Variants in RYR2 observed in about 807,000 individuals in gnomAD.
The protein encoded by RYR2 is ryanodine receptor 2, also known as cardiac muscle ryanodine receptor-calcium release channel.
RYR2 carries 227 observed loss-of-function variants against 601.1 expected under a neutral mutation model. That is an observed-to-expected ratio of 0.38 (90% confidence interval 0.34 to 0.42). The LOEUF (loss-of-function observed/expected upper bound fraction) is 0.42. Ranked by LOEUF, RYR2 falls within the 10% of genes least tolerant of loss-of-function variation. RYR2 has a pLI of 1.00. For missense variants in RYR2, 4,646 were observed against 6,156.5 expected, an observed-to-expected ratio of 0.75 and a Z score of 8.21; for synonymous variants, 2,223 against 2,175.1, an observed-to-expected ratio of 1.02 and a Z score of -0.61.
chr1:237,521,901 C>T (rs1252116185), intron 24 of RYR2, among the ~76,000 whole-genome samples: 1 of 152,030 alleles, frequency 6.6e-6, no homozygotes, highest in Non-Finnish European at 1.5e-5. Context: ...TCACACTGAC[C>T]TTTGTGTTGC....
rs1690189277 is a variant in RYR2 at position 237,726,285 on chromosome 1, GT to G, written c.10703del (p.Val3568GlyfsTer33). On this transcript the variant is annotated frameshift_variant, in exon 75 of 105. Transcript: ENST00000366574. LOFTEE classifies it high-confidence loss of function. ...TTATTTCTTTCAGAAGTCTAAACGTGTGGGTCGGAGACATTACTGTCTGGGA... is the reference window on the plus strand; with the variant it reads ...TTATTTCTTTCAGAAGTCTAAACGTGGGGTCGGAGACATTACTGTCTGGGA... ...LFHLEQKSKR[V>X]GRRHYCLVEH... The G allele has an allele frequency of 1.3e-6, 2 of 1,588,286 alleles. No individual in the cohort carries two copies. The highest frequency in any genetic ancestry group is 2.3e-5 in the East Asian group (1 of 44,438).
rs1022428392 is a variant in RYR2 at position 237,723,254 on chromosome 1, C to G, written c.10681C>G (p.Leu3561Val). ...GGATATAGCAAATGTGCTTTTTCAT[C>G]TTGAACAGGTCAGGCTTTGTGTCAA... ...VLDIANVLFH[L>V]EQKSKRVGRR... Residue 3561 changes from leucine to valine, a missense_variant, in exon 74 of 105, where the codon CTT (leucine) becomes GTT (valine). By Grantham distance (32) the Leu-to-Val change is conservative. Around this residue, in one of 17 missense-constraint regions of RYR2, gnomAD observed 1,497 missense variants for 1,842.6 expected, o/e 0.81. Transcript: ENST00000366574. The G allele has an allele frequency of 3.2e-5, 51 of 1,611,210 alleles. No homozygotes were observed. Among genetic ancestry groups the G allele is most frequent in the Non-Finnish European group, 4.2e-5 (50 of 1,178,096 alleles).
chr1:237,554,266 T>TC (rs1670675407), intron 27 of RYR2, among the ~76,000 whole-genome samples: 1 of 151,926 alleles, frequency 6.6e-6, no homozygotes, highest in Non-Finnish European at 1.5e-5. Context: ...TGTATTTTTC[T>TC]CCTGTATTCT....
intron 1 of RYR2, among the ~76,000 whole-genome samples, chr1:237,183,458 T>C (rs1427853590): frequency 6.6e-6 from 1 of 152,214 alleles, no homozygotes; most frequent in Non-Finnish European, 1.5e-5. Context: ...CCTTTGGATT[T>C]ACCAGTTAGG....
chr1:237,543,587 A>C (rs949325653), intron 25 of RYR2, among the ~76,000 whole-genome samples: 53 of 152,158 alleles, frequency 3.5e-4, no homozygotes, highest in African/African-American at 1.3e-3. Flanking sequence ...TTTACAGCTA[A>C]CACTCCCTGA....
chr1:237,053,348 G>C (rs1572461812), intron 1 of RYR2, among the ~76,000 whole-genome samples: 1 of 152,246 alleles, frequency 6.6e-6, no homozygotes, highest in East Asian at 1.9e-4. Flanking sequence ...TTTGATTGAT[G>C]GCTGTCAGAG....
intron 1 of RYR2, among the ~76,000 whole-genome samples, chr1:237,085,061 A>G (rs902135444): frequency 6.6e-6 from 1 of 152,188 alleles, no homozygotes; most frequent in Admixed American, 6.5e-5. Context: ...CACAAAAACT[A>G]CTCAAGGGTG....
At chr1:237,670,367 T>G (rs1054897382) in intron 58 of RYR2, among the ~76,000 whole-genome samples, 1 of 151,306 alleles carries the variant, frequency 6.6e-6, no homozygotes, top group East Asian at 2.0e-4. Flanking sequence ...AGGGAGAAGA[T>G]TCCACATTTT....
chr1:237,720,110 A>G (rs779026527), intron 73 of RYR2, among the ~76,000 whole-genome samples: 1 of 152,210 alleles, frequency 6.6e-6, no homozygotes, highest in Non-Finnish European at 1.5e-5. Flanking sequence ...GAAATTTTTT[A>G]TACCATTGAA....
chr1:237,477,212 G>A (rs979290312), intron 17 of RYR2, among the ~76,000 whole-genome samples: 3 of 152,250 alleles, frequency 2.0e-5, no homozygotes, highest in East Asian at 1.9e-4. Context: ...CCAACAAGGC[G>A]AAACCTCGTC....
chr1:237,346,398 G>A (rs183173484), intron 3 of RYR2, among the ~76,000 whole-genome samples: 1 of 128,834 alleles, frequency 7.8e-6, no homozygotes, highest in African/African-American at 2.8e-5. Context: ...CATATCCTGA[G>A]GATTTGAACA....
chr1:237,267,439 G>T (rs1247468968), intron 1 of RYR2, among the ~76,000 whole-genome samples: 2 of 152,170 alleles, frequency 1.3e-5, no homozygotes, highest in Non-Finnish European at 2.9e-5. Flanking sequence ...AGAATCACTT[G>T]AACCCAGGAG....
chr1:237,655,580 T>G (rs983019893), intron 52 of RYR2, among the ~76,000 whole-genome samples: 1 of 152,200 alleles, frequency 6.6e-6, no homozygotes, highest in Non-Finnish European at 1.5e-5. Context: ...TCCAGTGTGT[T>G]GGAGAGTCAA....
chr1:237,644,905 A>G (rs1341427145), intron 48 of RYR2, among the ~76,000 whole-genome samples: 1 of 152,064 alleles, frequency 6.6e-6, no homozygotes, highest in East Asian at 1.9e-4. Flanking sequence ...GGTGGTGGGC[A>G]TTTGTAATCC....
chr1:237,049,466 G>A (rs1660985096), intron 1 of RYR2, among the ~76,000 whole-genome samples: 1 of 152,138 alleles, frequency 6.6e-6, no homozygotes, highest in Admixed American at 6.5e-5. Context: ...GGTAAAATGG[G>A]GAGGTTGTTT....
At chr1:237,299,918 TTTCC>T (rs758365425) in intron 2 of RYR2, among the ~76,000 whole-genome samples, 12 of 152,162 alleles carry the variant, frequency 7.9e-5, no homozygotes, top group Non-Finnish European at 1.5e-4. Context: ...TAGAAAATAA[TTTCC>T]TTTGCTAAGA....
intron 16 of RYR2, among the ~76,000 whole-genome samples, chr1:237,467,882 G>A (rs1420999968): frequency 7.1e-6 from 1 of 140,228 alleles, no homozygotes; most frequent in East Asian, 2.0e-4. Flanking sequence ...TTTTTGAAAC[G>A]GAGTCTCACA....
At chr1:237,407,989 T>C (rs1426670018) in intron 10 of RYR2, among the ~76,000 whole-genome samples, 2 of 152,144 alleles carry the variant, frequency 1.3e-5, no homozygotes, top group Non-Finnish European at 2.9e-5. Context: ...CGATTGCAAA[T>C]ATTGTCTTTC....
intron 56 of RYR2, among the ~76,000 whole-genome samples, chr1:237,663,437 T>C (rs1683994154): frequency 6.6e-6 from 1 of 152,150 alleles, no homozygotes; most frequent in African/African-American, 2.4e-5. Context: ...TCCTCAGCTT[T>C]TTTTCACTGG....
Sources: allele counts gnomAD v4.1 joint callset (sites outside exome capture counted in the v4.1 genomes callset), GRCh38; gene constraint gnomAD v4.1.1; regional missense constraint gnomAD v4.1.1; transcripts MANE v1.5; gene names NCBI Gene and HGNC (gene_info 2026-07-23, HGNC 2026-07-21).